Variants in NONO observed in about 807,000 individuals in gnomAD.
The protein encoded by NONO is non-POU domain-containing octamer-binding protein.
A neutral mutation model predicts 40.2 loss-of-function variants in NONO; 6 were observed. The observed-to-expected ratio is 0.15, with a 90% CI of 0.08 to 0.29. The LOEUF (loss-of-function observed/expected upper bound fraction) is 0.29. NONO is among the 10% of genes least tolerant of loss of function. The pLI is 1.00. For missense variants in NONO, 133 were observed against 397.8 expected (o/e 0.33, Z 5.66); for synonymous variants, 89 against 123.3 (o/e 0.72, Z 1.85).
In NONO at chrX:71,298,474, G is replaced by A. The variant is rs767124599; in HGVS notation, c.1137G>A (p.Glu379=). The change falls in exon 10 of 12, where the codon GAG becomes GAA. Residue 379 remains glutamate (E), a synonymous_variant. Transcript: ENST00000276079. Reference sequence around the variant, plus strand: ...GAGTATTTTTTGTTTTTCAGAGAGAGCAGGAGATTCGGATGGGTCAGATGG... The same window carrying A: ...GAGTATTTTTTGTTTTTCAGAGAGAACAGGAGATTCGGATGGGTCAGATGG... The part of the protein sequence containing the change: ...GFKGTFPDAR[E]QEIRMGQMAM... The A allele has an allele frequency of 3.6e-5, 44 of 1,208,582 alleles. No individual in the cohort carries two copies. Among genetic ancestry groups the A allele is most frequent in the Non-Finnish European group, 4.6e-5 (41 of 893,823 alleles).
chrX:71,296,484 T>C, intron 5 of NONO, 81 bp from the exon 6 acceptor site: 1 of 641,822 alleles, frequency 1.6e-6, no homozygotes, highest in Non-Finnish European at 2.4e-6. Context: ...CCTAGCTAAT[T>C]CATTGTGCCA....
chrX:71,293,956 G>C, intron 4 of NONO: 1 of 343,421 alleles, frequency 2.9e-6, no homozygotes, highest in South Asian at 6.3e-5. Flanking sequence ...TGGATGATCT[G>C]TTGTCATTGG....
chrX:71,295,257 G>A (rs73634872), intron 5 of NONO, among the ~76,000 whole-genome samples: 139 of 106,985 alleles, frequency 1.3e-3, no homozygotes, highest in African/African-American at 4.7e-3. Context: ...TGGCCCAGGC[G>A]GGACAGATCA....
At chrX:71,295,976 G>C (rs778920339) in intron 5 of NONO, among the ~76,000 whole-genome samples, 15 of 110,931 alleles carry the variant, frequency 1.4e-4, no homozygotes, top group Non-Finnish European at 2.3e-4. Context: ...TGTGCCTGCA[G>C]TATCTCTTAG....
At chrX:71,290,922 C>G (rs2031313141) in intron 3 of NONO, 131 bp downstream of exon 3, 1 of 724,578 alleles carries the variant, frequency 1.4e-6, no homozygotes, top group Admixed American at 4.6e-5. Context: ...TTTCTCTTTA[C>G]CTCTTAATAC....
chrX:71,290,614 AC>A lies in NONO; in HGVS notation c.-9-14del. 1 of 1,191,865 alleles carries A rather than the reference AC, an allele frequency of 8.4e-7. No homozygotes were observed. The highest frequency in any genetic ancestry group is 1.1e-6 in the Non-Finnish European group (1 of 879,454). On this transcript the variant is annotated splice_polypyrimidine_tract_variant and intron_variant, in intron 2 of 11. Coordinates refer to ENST00000276079, the MANE Select transcript of NONO (RefSeq NM_007363.5). ...TAGTACTGAATTTATTTATTAGTCT[AC>A]TTTTTCTTTGTAGGGTGCAAAAATG...
In NONO at chrX:71,297,902, A is replaced by G; in HGVS notation, c.1095A>G (p.Arg365=). The change falls in exon 9 of 12, where the codon CGA becomes CGG. Residue 365 remains arginine, a synonymous_variant. Transcript: ENST00000276079. ...GGCAGCAAGAAGAAATGATGCGGCGACAGCAGGAAGGATTCAAGGGAACCT... is the reference window on the plus strand; with the variant it reads ...GGCAGCAAGAAGAAATGATGCGGCGGCAGCAGGAAGGATTCAAGGGAACCT... ...MRRQQEEMMR[R]QQEGFKGTFP... 1 of 1,207,993 alleles carries G rather than the reference A, an allele frequency of 8.3e-7. No individual in the cohort carries two copies. The highest frequency in any genetic ancestry group is 1.1e-6 in the Non-Finnish European group (1 of 892,166).
rs940485473 is a variant in NONO at position 71,300,747 on chromosome X, C to T, written c.*671C>T. The T allele has an allele frequency of 5.7e-6, 1 of 174,256 alleles. No individual in the cohort carries two copies. The highest frequency in any genetic ancestry group is 1.1e-5 in the Non-Finnish European group (1 of 91,449). The allele number at this position is 174,256 out of a possible 1,213,427, so 14.4% of individuals were successfully genotyped here. On this transcript the variant is annotated 3_prime_UTR_variant, in exon 12 of 12. Coordinates refer to ENST00000276079, the MANE Select transcript of NONO (RefSeq NM_007363.5). ...CCAGGTGAGAATTCAGGCAAACGTC[C>T]ACAAAGGTCACAGGCAGCGTACATA...
At chrX:71,290,823 G>C in intron 3 of NONO, 32 bp downstream of exon 3, 4 of 1,100,260 alleles carry the variant, frequency 3.6e-6, no homozygotes, top group Non-Finnish European at 4.8e-6. Flanking sequence ...GAGTAGAAAT[G>C]GATTCCCTCT....
intron 7 of NONO, 138 bp downstream of exon 7, chrX:71,297,185 C>A: frequency 1.5e-6 from 1 of 686,078 alleles, no homozygotes; most frequent in Non-Finnish European, 2.1e-6. Flanking sequence ...GATAAATAGG[C>A]TTGGAGATGT....
chrX:71,297,323 C>G (rs1370291294), intron 7 of NONO, 54 bp from the exon 8 acceptor site: 3 of 1,030,211 alleles, frequency 2.9e-6, no homozygotes. Flanking sequence ...TGAAGAAAGT[C>G]ATTAGATCTA....
Position 71,300,378 on chromosome X carries a change from A to T in NONO, c.*302A>T. ...ATCCAGTTAGAGCCCATTAATCTTG[A>T]TCATTCCGGTTTTTTTTTTTTTTGT... On this transcript the variant is annotated 3_prime_UTR_variant, in exon 12 of 12. Transcript: ENST00000276079. 3.5e-6 allele frequency: 1 copy of T among 284,674 alleles called. No individual in the cohort carries two copies. The highest frequency in any genetic ancestry group is 6.0e-6 in the Non-Finnish European group (1 of 165,333). The allele number at this position is 284,674 out of a possible 1,213,427, so 23.5% of individuals were successfully genotyped here.
Position 71,286,701 on chromosome X carries a change from C to G in NONO, c.-10+2248C>G, listed in dbSNP as rs754101970. Among the ~76,000 whole-genome samples, 2 of 111,825 alleles carry G rather than the reference C, an allele frequency of 1.8e-5. 1 individual carries two copies. Among genetic ancestry groups the G allele is most frequent in the South Asian group, 7.4e-4 (2 of 2,718 alleles). The stretch of plus-strand genomic sequence containing the variant: ...CATTCTGTTGTATAGATGTACCGTA[C>G]TTTCATGAAAACCATTCCCCTAATT... On this transcript the variant is annotated intron_variant, in intron 2 of 11. Coordinates refer to ENST00000276079, the MANE Select transcript of NONO (RefSeq NM_007363.5).
At chrX:71,290,908 C>T (rs2148032542) in intron 3 of NONO, 117 bp downstream of exon 3, 1 of 816,723 alleles carries the variant, frequency 1.2e-6, no homozygotes. Flanking sequence ...CACCTTTGTT[C>T]TTTTTTCTCT....
Position 71,299,930 on chromosome X carries a change from T to A in NONO, c.1282-12T>A. Reference sequence around the variant, plus strand: ...GGCTCTGTTACAGTGTTGCTCTCTTTTTCTCTTTAAGACCCCACCAACAAC... The same window carrying A: ...GGCTCTGTTACAGTGTTGCTCTCTTATTCTCTTTAAGACCCCACCAACAAC... On this transcript the variant is annotated splice_polypyrimidine_tract_variant and intron_variant, in intron 11 of 11. Coordinates refer to ENST00000276079, the MANE Select transcript of NONO (RefSeq NM_007363.5). 1 of 1,210,884 alleles carries A rather than the reference T, an allele frequency of 8.3e-7. No individual in the cohort carries two copies. Among genetic ancestry groups the A allele is most frequent in the African/African-American group, 1.7e-5 (1 of 57,693 alleles).
Position 71,297,004 on chromosome X carries a change from G to C in NONO, c.900G>C (p.Met300Ile), listed in dbSNP as rs1171596448. Residue 300 changes from methionine to isoleucine, a missense_variant, in exon 7 of 12, where the codon ATG becomes ATC. Coordinates refer to ENST00000276079, the MANE Select transcript of NONO (RefSeq NM_007363.5). Reference sequence around the variant, plus strand: ...CTCGTGAGAAGCTGGAGATGGAGATGGAAGCTGCACGCCATGAGCACCAGG... The same window carrying C: ...CTCGTGAGAAGCTGGAGATGGAGATCGAAGCTGCACGCCATGAGCACCAGG... ...KEAREKLEME[M>I]EAARHEHQVM... is the part of the protein sequence containing the mutation. 3 of 1,206,482 alleles carry C rather than the reference G, an allele frequency of 2.5e-6. No homozygotes were observed. The highest frequency in any genetic ancestry group is 2.2e-6 in the Non-Finnish European group (2 of 892,495).
rs2031506147 is a variant in NONO, at chrX:71,298,629, T to C, written c.1172-78T>C. ...ATATGTCTTACTTAGCCCAGAGGTC[T>C]TGTTGAATTGTTTCCTTTGGCATAG... On this transcript the variant is annotated intron_variant, in intron 10 of 11. Coordinates refer to ENST00000276079, the MANE Select transcript of NONO (RefSeq NM_007363.5). 9 of 1,065,431 alleles carry C rather than the reference T, an allele frequency of 8.4e-6. No homozygotes were observed. In the South Asian group the frequency reaches 1.7e-4, roughly 20 times the overall value. 87.8% of individuals were successfully genotyped at this position (1,065,431 alleles called of 1,213,427 possible). A position where few individuals can be genotyped will look rare whatever the true frequency, so the allele number is the denominator to read the frequency against.
intron 2 of NONO, chrX:71,284,934 A>G (rs1261476352): frequency 1.8e-5 from 2 of 112,593 alleles, no homozygotes; most frequent in African/African-American, 3.2e-5. Context: ...CAGGGACACA[A>G]GTAGACAGTA....
intron 2 of NONO, among the ~76,000 whole-genome samples, chrX:71,286,285 G>A (rs2031186620): frequency 9.0e-6 from 1 of 111,382 alleles, no homozygotes; most frequent in Non-Finnish European, 1.9e-5. Context: ...TTTACCATCT[G>A]CCTCCTTCTC....
Sources: allele counts gnomAD v4.1 joint callset (sites outside exome capture counted in the v4.1 genomes callset), GRCh38; gene constraint gnomAD v4.1.1; transcripts MANE v1.5; gene names NCBI Gene and HGNC (gene_info 2026-07-23, HGNC 2026-07-21).